FILIP1L: variants seen among roughly 807,000 people sequenced by gnomAD.
The protein encoded by FILIP1L is filamin A interacting protein 1 like.
Under a neutral mutation model 96.6 loss-of-function variants are expected in FILIP1L, and 55 were observed. The observed-to-expected ratio is 0.57, with a 90% CI of 0.46 to 0.71. FILIP1L has a LOEUF of 0.71. Ranked by LOEUF, FILIP1L falls within the 30% of genes least tolerant of loss-of-function variation. FILIP1L has a pLI of 0.00. For missense variants in FILIP1L, 1,304 were observed against 1,321.2 expected, an observed-to-expected ratio of 0.99 and a Z score of 0.20; for synonymous variants, 467 against 473.9, an observed-to-expected ratio of 0.99 and a Z score of 0.19.
chr3:100,073,049 T>A (rs2065788547), intron 1 of FILIP1L, among the ~76,000 whole-genome samples: 2 of 152,176 alleles, frequency 1.3e-5, no homozygotes, highest in South Asian at 4.1e-4. Flanking sequence ...AAAGCATAAT[T>A]AGTTTATGTG....
rs562663468 is a variant in FILIP1L, at chr3:99,874,527, A to G, written c.606-23457T>C. On this transcript the variant is annotated intron_variant, in intron 4 of 5. Coordinates refer to ENST00000477258, the MANE Select transcript of FILIP1L (RefSeq NM_001387850.1). ...TAGTTTGTGGAAAATCCTACTTCTC[A>G]GTACTAACCTGCAGTTTATATAGCC... 3 of 152,224 alleles carry G rather than the reference A, an allele frequency of 2.0e-5. No individual in the cohort carries two copies. In the South Asian group the frequency reaches 6.2e-4, roughly 32 times the overall value. The allele number at this position is 152,224 out of a possible 1,614,324, so 9.4% of individuals were successfully genotyped here.
chr3:99,988,551 G>GA (rs1709423548), intron 1 of FILIP1L, among the ~76,000 whole-genome samples: 1 of 144,536 alleles, frequency 6.9e-6, no homozygotes, highest in Non-Finnish European at 1.5e-5. Context: ...GAAAAAAAAA[G>GA]AAAGTCTGAA....
At chr3:99,863,371 C>T (rs1018298385) in intron 4 of FILIP1L, among the ~76,000 whole-genome samples, 7 of 152,148 alleles carry the variant, frequency 4.6e-5, no homozygotes, top group Non-Finnish European at 1.0e-4. Flanking sequence ...TACTGGTCTT[C>T]GGCCCTGGGG....
intron 1 of FILIP1L, among the ~76,000 whole-genome samples, chr3:100,021,536 G>T (rs750500749): frequency 6.6e-6 from 1 of 152,194 alleles, no homozygotes; most frequent in African/African-American, 2.4e-5. Flanking sequence ...AGAAAGAACA[G>T]AGTCAAGAAA....
chr3:100,097,849 A>C (rs1025843685), intron 1 of FILIP1L, among the ~76,000 whole-genome samples: 1 of 152,176 alleles, frequency 6.6e-6, no homozygotes, highest in African/African-American at 2.4e-5. Context: ...GCTACCTTCT[A>C]AGTTGCAATG....
intron 4 of FILIP1L, chr3:99,876,119 G>A (rs1705503401): frequency 1.0e-6 from 1 of 986,282 alleles, no homozygotes; most frequent in South Asian, 4.6e-5. Context: ...CGGGGCCGCT[G>A]TAGTGCCGCG....
At chr3:99,843,267 G>T (rs2107509766) in intron 5 of FILIP1L, among the ~76,000 whole-genome samples, 1 of 152,328 alleles carries the variant, frequency 6.6e-6, no homozygotes, top group African/African-American at 2.4e-5. Flanking sequence ...CCTTGTAGGT[G>T]TCAGACAGCC....
chr3:100,037,894 C>G, intron 1 of FILIP1L, among the ~76,000 whole-genome samples: 1 of 151,162 alleles, frequency 6.6e-6, no homozygotes, highest in East Asian at 1.9e-4. Context: ...TACAGCCACA[C>G]TAACTGGCTC....
At chr3:99,936,937 T>C (rs1297875944) in intron 1 of FILIP1L, among the ~76,000 whole-genome samples, 2 of 152,300 alleles carry the variant, frequency 1.3e-5, no homozygotes, top group South Asian at 4.1e-4. Flanking sequence ...TATTTTCTTT[T>C]CTTTCTTTTC....
intron 1 of FILIP1L, among the ~76,000 whole-genome samples, chr3:99,962,719 GT>G (rs1708531584): frequency 6.6e-6 from 1 of 152,172 alleles, no homozygotes; most frequent in Admixed American, 6.5e-5. Context: ...TATGAGGTAG[GT>G]ATTATCCTCA....
intron 1 of FILIP1L, among the ~76,000 whole-genome samples, chr3:100,079,568 T>A (rs1448218348): frequency 6.6e-6 from 1 of 152,226 alleles, no homozygotes; most frequent in African/African-American, 2.4e-5. Context: ...TTTGAATAGA[T>A]ACAGTCAGTG....
At chr3:99,975,158 C>G (rs1368566497) in intron 1 of FILIP1L, among the ~76,000 whole-genome samples, 7 of 151,674 alleles carry the variant, frequency 4.6e-5, no homozygotes, top group Admixed American at 2.0e-4. Flanking sequence ...TTCTGTTCCT[C>G]CCCGCTCCAA....
intron 1 of FILIP1L, among the ~76,000 whole-genome samples, chr3:99,983,464 GTATATA>G (rs1191587665): frequency 0.031 from 389 of 12,560 alleles, 12 homozygotes; most frequent in African/African-American, 0.042. Flanking sequence ...ATATATGTGT[GTATATA>G]TATATATATA....
At chr3:100,082,912 G>A (rs1404627083) in intron 1 of FILIP1L, among the ~76,000 whole-genome samples, 6 of 152,316 alleles carry the variant, frequency 3.9e-5, no homozygotes, top group Non-Finnish European at 8.8e-5. Context: ...TCCACAATCT[G>A]TAGAATTAGC....
At chr3:99,918,711 A>T (rs1707032717) in intron 4 of FILIP1L, among the ~76,000 whole-genome samples, 1 of 152,204 alleles carries the variant, frequency 6.6e-6, no homozygotes. Context: ...TGAGGTAATT[A>T]ATCTCTCTGC....
intron 4 of FILIP1L, among the ~76,000 whole-genome samples, chr3:99,858,502 A>G (rs1238670486): frequency 6.6e-6 from 1 of 152,220 alleles, no homozygotes; most frequent in Non-Finnish European, 1.5e-5. Flanking sequence ...GTTAAAAATA[A>G]TAAATAATAA....
intron 1 of FILIP1L, among the ~76,000 whole-genome samples, chr3:99,976,684 G>T (rs957653202): frequency 4.0e-5 from 6 of 151,768 alleles, no homozygotes; most frequent in African/African-American, 1.5e-4. Flanking sequence ...TTTATTTTTA[G>T]TTTTCAGTAG....
intron 1 of FILIP1L, among the ~76,000 whole-genome samples, chr3:100,051,694 T>C (rs1375429908): frequency 6.6e-6 from 1 of 151,926 alleles, no homozygotes; most frequent in Non-Finnish European, 1.5e-5. Context: ...ACTCATCCTT[T>C]TTATGGCTGC....
intron 4 of FILIP1L, among the ~76,000 whole-genome samples, chr3:99,858,844 A>G (rs1219483166): frequency 6.6e-6 from 1 of 152,214 alleles, no homozygotes. Context: ...TCAGTGGCAA[A>G]TTTGTCTTTC....
Sources: gnomAD v4.1 joint callset for allele counts (sites outside exome capture counted in the v4.1 genomes callset) on GRCh38, gnomAD v4.1.1 for gene constraint, MANE v1.5 for transcripts, NCBI Gene and HGNC (gene_info 2026-07-23, HGNC 2026-07-21) for gene names.